THOC2: variants seen among roughly 807,000 people sequenced by gnomAD.
THOC2 encodes the protein THO complex subunit 2.
A neutral mutation model predicts 128.4 loss-of-function variants in THOC2; 10 were observed. The ratio of observed to expected loss-of-function variants is 0.08; its 90% CI spans 0.05 to 0.13. The LOEUF is 0.13. THOC2 is among the 10% of genes least tolerant of loss of function. The pLI is 1.00. For synonymous variants in THOC2, 393 were observed against 396.9 expected (o/e 0.99, Z 0.12); for missense variants, 535 against 1,155.7 (o/e 0.46, Z 7.79).
At chrX:123,660,435 C>T (rs1157296119) in intron 12 of THOC2, among the ~76,000 whole-genome samples, 1 of 111,724 alleles carries the variant, frequency 9.0e-6, no homozygotes, top group Admixed American at 9.6e-5. Flanking sequence ...GAGAAACAGT[C>T]TGTTTATATA....
chrX:123,646,382 A>C (rs1378239427), intron 12 of THOC2, among the ~76,000 whole-genome samples: 1 of 112,517 alleles, frequency 8.9e-6, no homozygotes, highest in African/African-American at 3.2e-5. Context: ...TAGAGGCCAA[A>C]AAGACAACTG....
At chrX:123,611,645 A>C (rs1423876200) in intron 36 of THOC2, 129 bp from the exon 37 acceptor site, 3 of 416,130 alleles carry the variant, frequency 7.2e-6, no homozygotes, top group Non-Finnish European at 1.2e-5. Context: ...CAAAAGCATA[A>C]GCAACAAAAG....
rs765709570 is a variant in THOC2 at position 123,668,720 on chromosome X, G to A, written c.862-406C>T. On this transcript the variant is annotated intron_variant, in intron 9 of 38. Transcript: ENST00000245838. ...TGCAATATGGATCCAATTTGGGAAA[G>A]GTGAACTACTGAATAACACAAAGGG... 5.4e-4 allele frequency among the ~76,000 whole-genome samples: 61 copies of A among 112,144 alleles called. No homozygotes were observed. The Middle Eastern group carries it at 0.023, about 43-fold the overall frequency.
intron 12 of THOC2, among the ~76,000 whole-genome samples, chrX:123,659,841 AAAG>A (rs1176478073): frequency 8.9e-6 from 1 of 112,316 alleles, no homozygotes; most frequent in African/African-American, 3.2e-5. Context: ...GAGATTTGTT[AAAG>A]AAGTGTAATT....
rs147727111 is a variant in THOC2 at position 123,683,121 on chromosome X, T to C, written c.768+3427A>G. ...AATTTTTTTTCAGATTTTGGAATATTTGCATACTGGTTGAGCATCCCAAAT... is the reference window on the plus strand; with the variant it reads ...AATTTTTTTTCAGATTTTGGAATATCTGCATACTGGTTGAGCATCCCAAAT... On this transcript the variant is annotated intron_variant, in intron 8 of 38. Transcript: ENST00000245838. Among the ~76,000 whole-genome samples, 868 of 111,500 alleles carry C rather than the reference T, an allele frequency of 7.8e-3. 6 individuals carry two copies. The highest frequency in any genetic ancestry group is 0.026 in the African/African-American group (806 of 30,685).
chrX:123,712,522 G>C (rs2051234420), intron 2 of THOC2, among the ~76,000 whole-genome samples: 1 of 111,661 alleles, frequency 9.0e-6, no homozygotes. Context: ...AATAAGATCA[G>C]AACAATTTTT....
chrX:123,656,015 T>TG (rs1407088477), intron 12 of THOC2, among the ~76,000 whole-genome samples: 1 of 107,406 alleles, frequency 9.3e-6, no homozygotes, highest in African/African-American at 3.4e-5. Context: ...AGACTCTGTC[T>TG]GGGGAAAAAA....
At chrX:123,628,445 C>A (rs1349181431) in intron 22 of THOC2, among the ~76,000 whole-genome samples, 2 of 111,820 alleles carry the variant, frequency 1.8e-5, no homozygotes, top group African/African-American at 3.3e-5. Flanking sequence ...ACCCTACCAA[C>A]TGTTAAAATT....
intron 31 of THOC2, 23 bp from the exon 32 acceptor site, chrX:123,620,988 T>G: frequency 8.3e-7 from 1 of 1,201,675 alleles, no homozygotes; most frequent in Non-Finnish European, 1.1e-6. Context: ...AAAGAAATAG[T>G]CAGAATAAGG....
intron 8 of THOC2, among the ~76,000 whole-genome samples, chrX:123,684,400 T>C (rs1427794216): frequency 8.9e-6 from 1 of 111,910 alleles, no homozygotes; most frequent in African/African-American, 3.3e-5. Context: ...GTGGACTTTC[T>C]GAGACGGAGT....
intron 9 of THOC2, 107 bp downstream of exon 9, chrX:123,671,562 G>A: frequency 2.6e-6 from 1 of 390,326 alleles, no homozygotes; most frequent in Non-Finnish European, 4.5e-6. Context: ...AGTGAGACTT[G>A]AGAACCTCGA....
chrX:123,694,247 T>C (rs993681208), intron 7 of THOC2, among the ~76,000 whole-genome samples: 2 of 110,958 alleles, frequency 1.8e-5, no homozygotes, highest in South Asian at 7.6e-4. Context: ...GACAAACTTA[T>C]AGCAAAGCAG....
At chrX:123,704,391 G>T (rs1464348845) in intron 3 of THOC2, among the ~76,000 whole-genome samples, 1 of 112,010 alleles carries the variant, frequency 8.9e-6, no homozygotes, top group Non-Finnish European at 1.9e-5. Context: ...TTTGTTACAT[G>T]AATATATTTG....
At chrX:123,719,863 A>C (rs767208167) in intron 1 of THOC2, among the ~76,000 whole-genome samples, 133 of 109,719 alleles carry the variant, frequency 1.2e-3, no homozygotes, top group African/African-American at 4.1e-3. Context: ...CAGGGGTTTC[A>C]GGTTATGATG....
At chrX:123,609,571 C>T (rs1478569685) in intron 38 of THOC2, among the ~76,000 whole-genome samples, 1 of 111,900 alleles carries the variant, frequency 8.9e-6, no homozygotes, top group Non-Finnish European at 1.9e-5. Context: ...CCTTGGTTAT[C>T]TATCTGGTCT....
intron 4 of THOC2, among the ~76,000 whole-genome samples, chrX:123,698,090 A>T (rs1185342482): frequency 1.1e-5 from 1 of 91,799 alleles, no homozygotes; most frequent in Non-Finnish European, 2.2e-5. Context: ...CAGAGATGCT[A>T]AAAAAAAAAA....
In THOC2 at chrX:123,696,005, C is replaced by T. The variant is rs2050436419; in HGVS notation, c.601+16G>A. ...TGTTATCTTAACAACACATACTATA[C>T]AGATAAATGTCTTACCTATTAAAGA... On this transcript the variant is annotated intron_variant, in intron 7 of 38. Coordinates refer to ENST00000245838, the MANE Select transcript of THOC2 (RefSeq NM_001081550.2). The T allele has an allele frequency of 2.0e-6, 2 of 1,021,933 alleles. No individual in the cohort carries two copies. The highest frequency in any genetic ancestry group is 3.1e-5 in the East Asian group (1 of 32,317). 84.2% of individuals were successfully genotyped at this position (1,021,933 alleles called of 1,213,427 possible).
intron 38 of THOC2, chrX:123,603,446 ACT>A: frequency 2.4e-6 from 1 of 412,324 alleles, no homozygotes; most frequent in Non-Finnish European, 4.2e-6. Flanking sequence ...ATGAACTAAA[ACT>A]CAGTGAAATT....
intron 7 of THOC2, among the ~76,000 whole-genome samples, chrX:123,690,250 AAG>A (rs2050165232): frequency 9.0e-6 from 1 of 111,510 alleles, no homozygotes; most frequent in African/African-American, 3.3e-5. Context: ...GATAAACACA[AAG>A]AGGCAAGAGA....
Sources: allele counts gnomAD v4.1 joint callset (sites outside exome capture counted in the v4.1 genomes callset), GRCh38; gene constraint gnomAD v4.1.1; transcripts MANE v1.5; gene names NCBI Gene and HGNC (gene_info 2026-07-23, HGNC 2026-07-21).